The following TUSC3 variants were observed in gnomAD, a reference collection of about 807,000 sequenced individuals.
TUSC3 encodes the protein tumor suppressor candidate 3.
In TUSC3, 45 loss-of-function variants were observed where a neutral mutation model predicts 44.8. That is an observed-to-expected ratio of 1.00 (90% CI 0.79 to 1.29). The LOEUF (loss-of-function observed/expected upper bound fraction) is 1.29. Among genes scored for constraint, TUSC3 ranks in the 50% most tolerant of loss-of-function variants. The pLI, the probability that TUSC3 is intolerant of heterozygous loss-of-function variation, is 0.00. For missense variants in TUSC3, 519 were observed against 437.9 expected, an observed-to-expected ratio of 1.19 and a Z score of -1.65; for synonymous variants, 212 against 152.9, an observed-to-expected ratio of 1.39 and a Z score of -2.85.
intron 6 of TUSC3, among the ~76,000 whole-genome samples, chr8:15,718,019 A>G (rs1325444844): frequency 6.6e-6 from 1 of 152,168 alleles, no homozygotes; most frequent in Non-Finnish European, 1.5e-5. Context: ...TTTATGAAAC[A>G]GAATATCTAA....
At chr8:15,715,076 T>C (rs995940370) in intron 6 of TUSC3, among the ~76,000 whole-genome samples, 2 of 152,188 alleles carry the variant, frequency 1.3e-5, no homozygotes, top group African/African-American at 4.8e-5. Context: ...GAAGAATCTG[T>C]ACACCTCAAG....
At chr8:15,828,719 A>G in the TUSC3 span, among the ~76,000 whole-genome samples, 1 of 152,340 alleles carries the variant, frequency 6.6e-6, no homozygotes, top group East Asian at 1.9e-4. Context: ...TCTCTGTGAT[A>G]CCACAGACAG....
chr8:15,632,027 A>T (rs1340801562), intron 2 of TUSC3, among the ~76,000 whole-genome samples: 1 of 152,228 alleles, frequency 6.6e-6, no homozygotes, highest in African/African-American at 2.4e-5. Context: ...TTATATAATT[A>T]GAACACCATT....
At chr8:15,767,312 A>C (rs1812360013), downstream of TUSC3, among the ~76,000 whole-genome samples, 1 of 152,138 alleles carries the variant, frequency 6.6e-6, no homozygotes, top group Admixed American at 6.5e-5. Flanking sequence ...CATAATAGGA[A>C]AATCATGTCA....
chr8:15,722,425 G>A (rs532767073), intron 6 of TUSC3, among the ~76,000 whole-genome samples: 2 of 152,110 alleles, frequency 1.3e-5, no homozygotes, highest in East Asian at 3.9e-4. Flanking sequence ...CCAAAAATCT[G>A]TGGACTGAAT....
intron 1 of TUSC3, among the ~76,000 whole-genome samples, chr8:15,449,441 G>C (rs945253623): frequency 6.6e-6 from 1 of 152,072 alleles, no homozygotes; most frequent in Non-Finnish European, 1.5e-5. Context: ...GAACCACCCC[G>C]CCATGGCTGG....
intron 1 of TUSC3, among the ~76,000 whole-genome samples, chr8:15,578,347 C>G (rs2129145730): frequency 8.0e-6 from 1 of 125,112 alleles, no homozygotes; most frequent in East Asian, 2.2e-4. Flanking sequence ...ACTTCCAACA[C>G]TATGTTGAAT....
the TUSC3 span, among the ~76,000 whole-genome samples, chr8:15,788,546 CAAAAAAAA>C: frequency 2.6e-5 from 2 of 75,546 alleles, no homozygotes; most frequent in African/African-American, 1.0e-4. Flanking sequence ...GACTCTATCT[CAAAAAAAA>C]AAAAAAAAAA....
intron 2 of TUSC3, among the ~76,000 whole-genome samples, chr8:15,524,225 TAGG>T (rs1326961513): frequency 8.5e-5 from 13 of 152,228 alleles, no homozygotes; most frequent in Admixed American, 2.0e-4. Context: ...AAATATTAAA[TAGG>T]AGTTAATTTG....
intron 7 of TUSC3, among the ~76,000 whole-genome samples, chr8:15,742,523 T>G (rs1811238182): frequency 6.6e-6 from 1 of 152,234 alleles, no homozygotes; most frequent in South Asian, 2.1e-4. Context: ...GGAAATGTTC[T>G]GTGCAGAATT....
At chr8:15,570,953 A>C (rs1181162234) in intron 1 of TUSC3, among the ~76,000 whole-genome samples, 11 of 24,352 alleles carry the variant, frequency 4.5e-4, no homozygotes, top group African/African-American at 9.8e-4. Flanking sequence ...ATTGCCTATT[A>C]GTTTTTTTTT....
the TUSC3 span, among the ~76,000 whole-genome samples, chr8:15,776,262 G>A: frequency 6.6e-6 from 1 of 151,962 alleles, no homozygotes. Context: ...ATGAAAAGGT[G>A]TTTTTATTTT....
chr8:15,599,223 A>G (rs1050700420), intron 1 of TUSC3, among the ~76,000 whole-genome samples: 5 of 151,790 alleles, frequency 3.3e-5, no homozygotes, highest in Non-Finnish European at 5.9e-5. Flanking sequence ...CTATTTGTAT[A>G]TCTTCTTTGG....
the TUSC3 span, among the ~76,000 whole-genome samples, chr8:15,788,459 A>C: frequency 7.9e-5 from 12 of 151,226 alleles, no homozygotes; most frequent in African/African-American, 2.4e-5. Flanking sequence ...AGGCAGGAGA[A>C]TCTCCTGAAC....
At chr8:15,832,728 T>G in the TUSC3 span, among the ~76,000 whole-genome samples, 1 of 152,094 alleles carries the variant, frequency 6.6e-6, no homozygotes, top group South Asian at 2.1e-4. Context: ...CAACAAGACC[T>G]AACTATACTA....
chr8:15,582,497 A>T (rs376684624), intron 1 of TUSC3, among the ~76,000 whole-genome samples: 40 of 152,252 alleles, frequency 2.6e-4, no homozygotes, highest in African/African-American at 8.9e-4. Flanking sequence ...AGTTTCTAAA[A>T]ATTTATGTTT....
At chr8:15,705,858 T>G (rs1044691360) in intron 6 of TUSC3, among the ~76,000 whole-genome samples, 1 of 152,046 alleles carries the variant, frequency 6.6e-6, no homozygotes, top group African/African-American at 2.4e-5. Context: ...ACTTACATAT[T>G]ATCAGATAAA....
intron 1 of TUSC3, among the ~76,000 whole-genome samples, chr8:15,609,987 A>C (rs554642104): frequency 3.9e-5 from 6 of 151,924 alleles, no homozygotes; most frequent in South Asian, 4.2e-4. Context: ...CTGGTATTTT[A>C]TTGTATTATT....
intron 5 of TUSC3, among the ~76,000 whole-genome samples, chr8:15,662,988 G>T (rs766451633): frequency 3.3e-5 from 5 of 151,892 alleles, no homozygotes; most frequent in African/African-American, 4.8e-5. Context: ...GAGAACTACA[G>T]TTGTGTGGGG....
Sources: allele counts gnomAD v4.1 joint callset (sites outside exome capture counted in the v4.1 genomes callset), GRCh38; gene constraint gnomAD v4.1.1; transcripts MANE v1.5; gene names NCBI Gene and HGNC (gene_info 2026-07-23, HGNC 2026-07-21).